Variants in MBD5 observed in about 807,000 individuals in gnomAD.
MBD5 encodes methyl-CpG binding domain protein 5, also known as methyl-CpG-binding domain protein 5.
In MBD5, 13 loss-of-function variants were observed where a neutral mutation model predicts 117.3. That is an observed-to-expected ratio of 0.11 (90% CI 0.07 to 0.18). The LOEUF is 0.18. MBD5 is among the 10% of genes least tolerant of loss of function. MBD5 has a pLI of 1.00. For synonymous variants in MBD5, 727 were observed against 766.4 expected, an observed-to-expected ratio of 0.95 and a Z score of 0.85; for missense variants, 1,879 against 2,093.8, an observed-to-expected ratio of 0.90 and a Z score of 2.00.
At chr2:148,452,299 C>T (rs1166182321) in intron 4 of MBD5, among the ~76,000 whole-genome samples, 1 of 152,030 alleles carries the variant, frequency 6.6e-6, no homozygotes, top group East Asian at 1.9e-4. Flanking sequence ...AGTTCAAGAC[C>T]AGCCTGGGCA....
chr2:148,427,432 A>G (rs1435203406), intron 4 of MBD5, among the ~76,000 whole-genome samples: 1 of 150,580 alleles, frequency 6.6e-6, no homozygotes, highest in Non-Finnish European at 1.5e-5. Context: ...ACTGGATTCC[A>G]TATACACCAT....
At chr2:148,028,506 G>GT in intron 1 of MBD5, 1 of 152,122 alleles carries the variant, frequency 6.6e-6, no homozygotes, top group Non-Finnish European at 1.5e-5. Context: ...CACAATTACT[G>GT]TTTTTTATAC....
intron 1 of MBD5, among the ~76,000 whole-genome samples, chr2:148,044,033 T>G (rs1249193057): frequency 1.3e-5 from 2 of 152,198 alleles, no homozygotes; most frequent in East Asian, 3.9e-4. Context: ...ATATGCAGTT[T>G]AACTTCAGAT....
intron 13 of MBD5, 67 bp from the exon 14 acceptor site, chr2:148,512,803 A>G: frequency 6.9e-7 from 1 of 1,447,270 alleles, no homozygotes; most frequent in Non-Finnish European, 9.7e-7. Flanking sequence ...CCTTTGTCAG[A>G]AATTTTATGG....
intron 4 of MBD5, among the ~76,000 whole-genome samples, chr2:148,360,864 A>G (rs915410163): frequency 1.5e-4 from 23 of 152,212 alleles, no homozygotes; most frequent in African/African-American, 5.5e-4. Flanking sequence ...TTTATATTTC[A>G]GTTAAAATGC....
intron 2 of MBD5, among the ~76,000 whole-genome samples, chr2:148,202,079 C>T (rs753759882): frequency 1.2e-4 from 18 of 152,192 alleles, no homozygotes; most frequent in Non-Finnish European, 2.4e-4. Context: ...TCTGCCTAGG[C>T]ATTTGACTGC....
intron 1 of MBD5, among the ~76,000 whole-genome samples, chr2:148,118,345 C>T (rs1558932965): frequency 1.3e-5 from 2 of 152,016 alleles, no homozygotes; most frequent in African/African-American, 4.8e-5. Context: ...CACAGTGGCT[C>T]ATGCATGCAG....
At chr2:148,089,175 C>T (rs929492102) in intron 1 of MBD5, among the ~76,000 whole-genome samples, 5 of 151,918 alleles carry the variant, frequency 3.3e-5, no homozygotes, top group Non-Finnish European at 7.4e-5. Context: ...GATACGTGCA[C>T]CTAACATAGG....
intron 3 of MBD5, among the ~76,000 whole-genome samples, chr2:148,321,459 C>T (rs10172107): frequency 0.013 from 1,915 of 152,236 alleles, 39 homozygotes; most frequent in African/African-American, 0.043. Flanking sequence ...TCCTGTCATG[C>T]AGATAGGTTC....
chr2:148,207,692 GAA>G (rs34113572), intron 2 of MBD5, among the ~76,000 whole-genome samples: 87,945 of 142,366 alleles, frequency 0.62, 28,646 homozygotes, highest in East Asian at 0.79. Context: ...TAGAAGTTAG[GAA>G]AAAAAAAAAA....
At chr2:148,415,054 A>C (rs1705377546) in intron 4 of MBD5, among the ~76,000 whole-genome samples, 1 of 152,116 alleles carries the variant, frequency 6.6e-6, no homozygotes, top group South Asian at 2.1e-4. Flanking sequence ...TAGTTGCTTT[A>C]TAGTGTCAAT....
At chr2:148,378,756 G>A (rs1438262086) in intron 4 of MBD5, among the ~76,000 whole-genome samples, 1 of 151,882 alleles carries the variant, frequency 6.6e-6, no homozygotes, top group African/African-American at 2.4e-5. Context: ...TCAGAATTTG[G>A]TATAGCTTCA....
At chr2:148,196,716 G>C (rs1574122810) in intron 2 of MBD5, among the ~76,000 whole-genome samples, 1 of 152,252 alleles carries the variant, frequency 6.6e-6, no homozygotes, top group East Asian at 1.9e-4. Context: ...GCCAGAGCTA[G>C]CCATGATTCC....
chr2:148,178,584 G>T (rs1165096423), intron 1 of MBD5, 116 bp from the exon 2 acceptor site: 2 of 382,392 alleles, frequency 5.2e-6, no homozygotes, highest in Non-Finnish European at 9.2e-6. Context: ...ACATCCCTTT[G>T]CCCAGGCTTA....
intron 4 of MBD5, among the ~76,000 whole-genome samples, chr2:148,384,598 T>C (rs1311325496): frequency 6.6e-6 from 1 of 152,084 alleles, no homozygotes; most frequent in African/African-American, 2.4e-5. Context: ...CTTCATGGAA[T>C]TGGAAAAAAC....
At chr2:148,372,052 A>T (rs1293836918) in intron 4 of MBD5, among the ~76,000 whole-genome samples, 1 of 152,178 alleles carries the variant, frequency 6.6e-6, no homozygotes, top group East Asian at 1.9e-4. Context: ...ATAAGCTAAT[A>T]TAATAAATAT....
chr2:148,295,377 C>T (rs536506070), intron 3 of MBD5, among the ~76,000 whole-genome samples: 13 of 152,166 alleles, frequency 8.5e-5, no homozygotes, highest in African/African-American at 1.7e-4. Flanking sequence ...TATTTCCATC[C>T]GGAATTTCCA....
chr2:148,325,621 G>A (rs140270515), intron 3 of MBD5, among the ~76,000 whole-genome samples: 18,401 of 152,144 alleles, frequency 0.12, 1,456 homozygotes, highest in Non-Finnish European at 0.18. Flanking sequence ...GTATATTTGC[G>A]TAGAGGTGTT....
intron 2 of MBD5, among the ~76,000 whole-genome samples, chr2:148,208,719 A>G (rs1449404424): frequency 6.7e-6 from 1 of 148,472 alleles, no homozygotes; most frequent in Non-Finnish European, 1.5e-5. Flanking sequence ...ATTTTTATAG[A>G]TTACTTTTAC....
Sources: allele counts gnomAD v4.1 joint callset (sites outside exome capture counted in the v4.1 genomes callset), GRCh38; gene constraint gnomAD v4.1.1; transcripts MANE v1.5; gene names NCBI Gene and HGNC (gene_info 2026-07-23, HGNC 2026-07-21).